Variants in PRDM16 observed in about 807,000 individuals in gnomAD.
The protein encoded by PRDM16 is histone-lysine N-methyltransferase PRDM16.
Under a neutral mutation model 110.6 loss-of-function variants are expected in PRDM16, and 23 were observed. The observed-to-expected ratio is 0.21, with a 90% confidence interval of 0.15 to 0.29. The LOEUF (loss-of-function observed/expected upper bound fraction) is 0.29. PRDM16 is among the 10% of genes least tolerant of loss of function. The pLI is 1.00. For missense variants in PRDM16, 1,615 were observed against 1,794.3 expected (o/e 0.90, Z 1.81); for synonymous variants, 799 against 781.8 (o/e 1.02, Z -0.37).
At chr1:3,341,334 C>T (rs1473083751) in intron 3 of PRDM16, among the ~76,000 whole-genome samples, 1 of 152,206 alleles carries the variant, frequency 6.6e-6, no homozygotes, top group African/African-American at 2.4e-5. Flanking sequence ...TCAGAGGCTG[C>T]AGGCCCTGGG....
intron 4 of PRDM16, among the ~76,000 whole-genome samples, chr1:3,391,063 T>G (rs1643292383): frequency 1.3e-5 from 2 of 152,180 alleles, no homozygotes; most frequent in South Asian, 4.1e-4. Flanking sequence ...TTCAAGCTCC[T>G]GACCTTGGGT....
intron 3 of PRDM16, among the ~76,000 whole-genome samples, chr1:3,256,013 T>A (rs959066850): frequency 1.3e-5 from 2 of 152,110 alleles, no homozygotes; most frequent in African/African-American, 4.8e-5. Context: ...AGCAGGTATG[T>A]GGCACAGTGA....
At chr1:3,258,486 A>G (rs1640095209) in intron 3 of PRDM16, among the ~76,000 whole-genome samples, 2 of 152,226 alleles carry the variant, frequency 1.3e-5, no homozygotes, top group African/African-American at 4.8e-5. Flanking sequence ...CCAGGGCTGC[A>G]TTGGGAAACT....
chr1:3,092,668 T>C (rs1642304585), intron 1 of PRDM16, among the ~76,000 whole-genome samples: 1 of 152,126 alleles, frequency 6.6e-6, no homozygotes, highest in Non-Finnish European at 1.5e-5. Flanking sequence ...TCGTGCTGGA[T>C]GGCGCCTGGG....
Position 3,250,254 on chromosome 1 carries a change from C to A in PRDM16, c.438+6117C>A, listed in dbSNP as rs894024061. ...AGGGAGGGGCCGCAGCCACAGCTCC[C>A]GTGGCCTCCAAGGTGGCAGCCGGCC... On this transcript the variant is annotated intron_variant, in intron 3 of 16. Transcript: ENST00000270722. Among the ~76,000 whole-genome samples, 7 of 152,208 alleles carry A rather than the reference C, an allele frequency of 4.6e-5. No homozygotes were observed. The South Asian group carries it at 1.5e-3, about 32-fold the overall frequency.
intron 3 of PRDM16, among the ~76,000 whole-genome samples, chr1:3,280,891 A>G (rs1488525812): frequency 6.6e-6 from 1 of 152,164 alleles, no homozygotes; most frequent in East Asian, 1.9e-4. Flanking sequence ...GTCAGAAACA[A>G]TGCGGAGCCC....
intron 2 of PRDM16, among the ~76,000 whole-genome samples, chr1:3,219,260 C>T (rs189275633): frequency 1.0e-3 from 156 of 152,360 alleles, no homozygotes; most frequent in South Asian, 3.9e-3. Flanking sequence ...ACCAGGCTGA[C>T]GTCTCAATCT....
intron 1 of PRDM16, among the ~76,000 whole-genome samples, chr1:3,090,686 C>G (rs1004716671): frequency 1.3e-5 from 2 of 152,262 alleles, no homozygotes; most frequent in Non-Finnish European, 2.9e-5. Flanking sequence ...ACCAACAGGT[C>G]ACGTCAGAAC....
At chr1:3,202,844 G>T (rs2100831037) in intron 2 of PRDM16, among the ~76,000 whole-genome samples, 1 of 152,294 alleles carries the variant, frequency 6.6e-6, no homozygotes. Flanking sequence ...TGCTAAATGA[G>T]GAACTAAGAG....
intron 2 of PRDM16, among the ~76,000 whole-genome samples, chr1:3,204,807 C>T (rs1357422841): frequency 6.6e-6 from 1 of 152,098 alleles, no homozygotes; most frequent in East Asian, 1.9e-4. Flanking sequence ...AATTCAAAAA[C>T]GAAATGGTTA....
Position 3,396,539 on chromosome 1 carries a change from G to A in PRDM16, c.622G>A (p.Val208Met). Residue 208 changes from valine (V) to methionine (M), a missense_variant, in exon 5 of 17, where the codon GTG (valine) becomes ATG (methionine). Transcript: ENST00000270722. ...CATTGAGCCAGGTGAGGAGCTGCTG[G>A]TGCACGTGAAGGAAGGCGTCTACCC... is the stretch of plus-strand genomic sequence containing the variant. ...KDIEPGEELL[V>M]HVKEGVYPLG... The A allele has an allele frequency of 1.2e-6, 2 of 1,607,890 alleles. No homozygotes were observed. Among genetic ancestry groups the A allele is most frequent in the African/African-American group, 1.3e-5 (1 of 74,994 alleles).
At chr1:3,417,025 C>T (rs1259228108) in intron 10 of PRDM16, among the ~76,000 whole-genome samples, 1 of 152,168 alleles carries the variant, frequency 6.6e-6, no homozygotes, top group African/African-American at 2.4e-5. Flanking sequence ...CTTCCCCTCT[C>T]CTGTCGCTAT....
In PRDM16 at chr1:3,382,729, G is replaced by T. The variant is rs1643123519; in HGVS notation, c.439-2423G>T. 6.6e-6 allele frequency among the ~76,000 whole-genome samples: 1 copy of T among 152,210 alleles called. No homozygotes were observed. Among genetic ancestry groups the T allele is most frequent in the South Asian group, 2.1e-4 (1 of 4,836 alleles). ...GTACTCCTGGCTGCACCAATGGGGTGCTGTGACCCAGGTGCTCCAGCTTTG... is the reference window on the plus strand; with the variant it reads ...GTACTCCTGGCTGCACCAATGGGGTTCTGTGACCCAGGTGCTCCAGCTTTG... On this transcript the variant is annotated intron_variant, in intron 3 of 16. Transcript: ENST00000270722. This position sits in a 1 kb window ranked among gnomAD's most constrained non-coding sequence, Gnocchi z 6.6.
chr1:3,409,255 C>T (rs1269931935), intron 8 of PRDM16, among the ~76,000 whole-genome samples: 1 of 151,626 alleles, frequency 6.6e-6, no homozygotes, highest in Non-Finnish European at 1.5e-5. Context: ...GGGGCACAGC[C>T]AGGGTGTGCT....
At position 3,190,871 on chromosome 1, in the gene PRDM16, G is replaced by A. The variant is rs759749843; in HGVS notation, c.387+4397G>A. Among the ~76,000 whole-genome samples, 9 of 152,340 alleles carry A rather than the reference G, an allele frequency of 5.9e-5. No homozygotes were observed. The highest frequency in any genetic ancestry group is 1.4e-4 in the African/African-American group (6 of 41,576). On this transcript the variant is annotated intron_variant, in intron 2 of 16. Transcript: ENST00000270722. The surrounding 1 kb of genome is among the most constrained non-coding windows in gnomAD (Gnocchi z 5.0). ...TTTGCTAATTAAGAGGCGGCTGCCC[G>A]GTGACAGCCCAGAGGGAGGAGGCCA... is the stretch of plus-strand genomic sequence containing the variant.
At chr1:3,141,214 T>C (rs191094533) in intron 1 of PRDM16, among the ~76,000 whole-genome samples, 4 of 152,352 alleles carry the variant, frequency 2.6e-5, no homozygotes, top group Admixed American at 2.0e-4. Context: ...TTTAGACTTA[T>C]GGGCCAATTT....
At chr1:3,396,937 T>C (rs1643395402) in intron 5 of PRDM16, among the ~76,000 whole-genome samples, 1 of 152,230 alleles carries the variant, frequency 6.6e-6, no homozygotes, top group African/African-American at 2.4e-5. Flanking sequence ...TTTTAAGCTA[T>C]GTTTTATTAT....
At chr1:3,242,288 G>A (rs552922481) in intron 2 of PRDM16, among the ~76,000 whole-genome samples, 2 of 152,364 alleles carry the variant, frequency 1.3e-5, no homozygotes, top group East Asian at 1.9e-4. Context: ...CGTGCCTCAC[G>A]AAGCAGGCAG....
chr1:3,181,318 AC>A (rs1644172214), intron 1 of PRDM16, among the ~76,000 whole-genome samples: 7 of 145,062 alleles, frequency 4.8e-5, no homozygotes, highest in South Asian at 2.2e-4. Context: ...GGTCTTACAC[AC>A]GCAATCTTAC....
Sources: allele counts gnomAD v4.1 joint callset (sites outside exome capture counted in the v4.1 genomes callset), GRCh38; gene constraint gnomAD v4.1.1; non-coding constraint Gnocchi (gnomAD v3.1); transcripts MANE v1.5; gene names NCBI Gene and HGNC (gene_info 2026-07-23, HGNC 2026-07-21).